Variants in VWA8 observed in about 807,000 individuals in gnomAD.
VWA8 encodes von Willebrand factor A domain-containing protein 8.
Under a neutral mutation model 241.5 loss-of-function variants are expected in VWA8, and 221 were observed. The ratio of observed to expected loss-of-function variants is 0.91; its 90% confidence interval spans 0.82 to 1.02. The LOEUF (loss-of-function observed/expected upper bound fraction) is 1.02. VWA8 is among the 50% of genes least tolerant of loss of function. The pLI is 0.00. For synonymous variants in VWA8, 852 were observed against 827.1 expected (o/e 1.03, Z -0.52); for missense variants, 2,322 against 2,328.7 (o/e 1.00, Z 0.06).
chr13:41,787,395 T>C (rs1334824891), intron 18 of VWA8, 42 bp downstream of exon 18: 3 of 1,446,246 alleles, frequency 2.1e-6, no homozygotes, highest in Non-Finnish European at 1.9e-6. Flanking sequence ...TGTTTGTTAA[T>C]TATTATTTCA....
At chr13:41,881,692 C>T (rs1297320547) in intron 9 of VWA8, among the ~76,000 whole-genome samples, 1 of 148,162 alleles carries the variant, frequency 6.7e-6, no homozygotes, top group Admixed American at 6.7e-5. Context: ...AGAGGCGCCC[C>T]TCACCTCCCG....
chr13:41,951,288 GT>G (rs1566049923), intron 1 of VWA8, among the ~76,000 whole-genome samples: 1 of 152,052 alleles, frequency 6.6e-6, no homozygotes, highest in Admixed American at 6.5e-5. Flanking sequence ...GTGGTGGTAC[GT>G]ACCTGTAATC....
rs918287370 is a variant in VWA8 at position 41,568,475 on chromosome 13, G to C, written c.5610-170C>G. On this transcript the variant is annotated intron_variant, in intron 44 of 44. Coordinates refer to ENST00000379310, the MANE Select transcript of VWA8 (RefSeq NM_015058.2). ...ATTAGTCGTCATTAAACAATGAAAG[G>C]CTTGGAAGAGCAACAAGGAAAGACA... 73 of 489,554 alleles carry C rather than the reference G, an allele frequency of 1.5e-4. No individual in the cohort carries two copies. In the East Asian group the frequency reaches 2.3e-3, roughly 16 times the overall value. 30.3% of individuals were successfully genotyped at this position (489,554 alleles called of 1,614,324 possible).
intron 24 of VWA8, among the ~76,000 whole-genome samples, chr13:41,725,755 A>AT (rs2137855553): frequency 6.6e-6 from 1 of 152,326 alleles, no homozygotes; most frequent in African/African-American, 2.4e-5. Flanking sequence ...GGCTTGGGGT[A>AT]TAAGGGGTGA....
intron 42 of VWA8, among the ~76,000 whole-genome samples, chr13:41,578,858 G>T (rs2044365889): frequency 6.6e-6 from 1 of 152,160 alleles, no homozygotes; most frequent in Non-Finnish European, 1.5e-5. Context: ...GTAAAGAAAA[G>T]CCTCAACTGC....
intron 37 of VWA8, among the ~76,000 whole-genome samples, chr13:41,621,423 T>C (rs943443503): frequency 1.3e-5 from 2 of 152,226 alleles, no homozygotes; most frequent in South Asian, 2.1e-4. Flanking sequence ...AGTTTGCTTA[T>C]ATGCGTTAAG....
Position 41,567,067 on chromosome 13 carries a change from A to G in VWA8, c.*1130T>C, listed in dbSNP as rs1043318220. 1 of 152,168 alleles carries G rather than the reference A, an allele frequency of 6.6e-6. No homozygotes were observed. The highest frequency in any genetic ancestry group is 1.5e-5 in the Non-Finnish European group (1 of 68,020). 9.4% of individuals were successfully genotyped at this position (152,168 alleles called of 1,614,324 possible). A position where few individuals can be genotyped will look rare whatever the true frequency, so the allele number is the denominator to read the frequency against. ...GTGCCCTAACGTTTCTGATTTTGCT[A>G]TCAATCGTGAAGAGGAGTTTTTAAA... On this transcript the variant is annotated 3_prime_UTR_variant, in exon 45 of 45. Transcript: ENST00000379310.
intron 40 of VWA8, among the ~76,000 whole-genome samples, chr13:41,601,952 T>C (rs1342594831): frequency 2.6e-5 from 4 of 152,122 alleles, no homozygotes; most frequent in Non-Finnish European, 4.4e-5. Flanking sequence ...GAAACACCCA[T>C]GGTTACTTGG....
At chr13:41,735,745 C>T (rs1270031905) in intron 21 of VWA8, among the ~76,000 whole-genome samples, 1 of 151,908 alleles carries the variant, frequency 6.6e-6, no homozygotes, top group East Asian at 1.9e-4. Context: ...AGACTTAATA[C>T]AATAAGAAAA....
intron 17 of VWA8, among the ~76,000 whole-genome samples, chr13:41,795,681 A>G (rs1300010289): frequency 1.3e-5 from 2 of 152,228 alleles, no homozygotes; most frequent in South Asian, 2.1e-4. Context: ...ATCCTCCACA[A>G]AATAACACAG....
At chr13:41,651,191 T>C (rs1176736165) in intron 37 of VWA8, among the ~76,000 whole-genome samples, 2 of 151,820 alleles carry the variant, frequency 1.3e-5, no homozygotes, top group African/African-American at 2.4e-5. Context: ...GGGGAAAGGA[T>C]TGAGGATTGC....
At chr13:41,750,455 A>G (rs1171256573) in intron 21 of VWA8, among the ~76,000 whole-genome samples, 1 of 147,226 alleles carries the variant, frequency 6.8e-6, no homozygotes, top group African/African-American at 2.5e-5. Context: ...AACAACAACA[A>G]CAACAAAACA....
At chr13:41,888,129 G>A (rs1874636605) in intron 5 of VWA8, among the ~76,000 whole-genome samples, 1 of 152,158 alleles carries the variant, frequency 6.6e-6, no homozygotes, top group Non-Finnish European at 1.5e-5. Context: ...TATTGTGACT[G>A]CTAGGAAAAC....
chr13:41,692,966 C>G lies in VWA8; in HGVS notation c.3571G>C (p.Val1191Leu), dbSNP rs1342300220. The change falls in exon 30 of 45, where the codon GTT becomes CTT. Residue 1191 changes from valine to leucine, a missense_variant. Val to Leu is a conservative substitution (Grantham distance 32, BLOSUM62 1). Transcript: ENST00000379310. ...CCAGTAGTATCTAACAACAGGATAACATTACTCTGCAAATGATAAAAACAG... is the reference window on the plus strand; with the variant it reads ...CCAGTAGTATCTAACAACAGGATAAGATTACTCTGCAAATGATAAAAACAG... ...QVVLHEQQSN[V>L]ILLLDTTGRA... The G allele has an allele frequency of 3.2e-6, 5 of 1,583,640 alleles. No individual in the cohort carries two copies. The highest frequency in any genetic ancestry group is 4.3e-6 in the Non-Finnish European group (5 of 1,159,882).
chr13:41,706,467 T>G (rs2137832682), intron 26 of VWA8, among the ~76,000 whole-genome samples: 2 of 152,292 alleles, frequency 1.3e-5, no homozygotes, highest in East Asian at 3.9e-4. Flanking sequence ...GGTATTATTG[T>G]TTCCGGACTT....
intron 38 of VWA8, among the ~76,000 whole-genome samples, chr13:41,613,364 C>T (rs1394922907): frequency 2.6e-5 from 4 of 152,102 alleles, no homozygotes; most frequent in Admixed American, 6.5e-5. Context: ...TTACTCATGG[C>T]CAGCCAATAG....
intron 1 of VWA8, among the ~76,000 whole-genome samples, chr13:41,960,513 G>A (rs1477371005): frequency 2.6e-5 from 4 of 152,138 alleles, no homozygotes; most frequent in Non-Finnish European, 5.9e-5. Context: ...AATTCCATAG[G>A]GCTGAGGCAT....
chr13:41,685,753 G>A (rs1268355514), intron 34 of VWA8, among the ~76,000 whole-genome samples: 2 of 151,962 alleles, frequency 1.3e-5, no homozygotes, highest in African/African-American at 4.8e-5. Context: ...ATACATAATA[G>A]AACATAACTA....
intron 9 of VWA8, among the ~76,000 whole-genome samples, chr13:41,881,540 G>T (rs1874191670): frequency 6.8e-6 from 1 of 147,388 alleles, no homozygotes; most frequent in Non-Finnish European, 1.5e-5. Flanking sequence ...CCACAAAACC[G>T]CCATTGTCAT....
Sources: gnomAD v4.1 joint callset for allele counts (sites outside exome capture counted in the v4.1 genomes callset) on GRCh38, gnomAD v4.1.1 for gene constraint, MANE v1.5 for transcripts, NCBI Gene and HGNC (gene_info 2026-07-23, HGNC 2026-07-21) for gene names.